Variants in SLC9A9 observed in about 807,000 individuals in gnomAD.
The protein encoded by SLC9A9 is sodium/hydrogen exchanger 9.
In SLC9A9, 62 loss-of-function variants were observed where a neutral mutation model predicts 77.8. The ratio of observed to expected loss-of-function variants is 0.80; its 90% CI spans 0.65 to 0.98. The LOEUF is 0.98. SLC9A9 is among the 50% of genes least tolerant of loss of function. SLC9A9 has a pLI of 0.00. For synonymous variants in SLC9A9, 320 were observed against 283.5 expected (o/e 1.13, Z -1.29); for missense variants, 775 against 774.9 (o/e 1.00, Z 0.00).
chr3:143,654,958 G>T (rs995390043), intron 5 of SLC9A9, among the ~76,000 whole-genome samples: 2 of 152,228 alleles, frequency 1.3e-5, no homozygotes, highest in Admixed American at 1.3e-4. Flanking sequence ...TTTGAACAAA[G>T]AACTGAACTC....
At chr3:143,833,035 C>A (rs761805951) in intron 1 of SLC9A9, among the ~76,000 whole-genome samples, 1 of 152,100 alleles carries the variant, frequency 6.6e-6, no homozygotes, top group African/African-American at 2.4e-5. Flanking sequence ...TGAATTTTTA[C>A]GTTTTTAAAC....
chr3:143,543,378 GC>G (rs2036718773), intron 9 of SLC9A9, among the ~76,000 whole-genome samples: 1 of 105,322 alleles, frequency 9.5e-6, no homozygotes, highest in African/African-American at 3.9e-5. Flanking sequence ...GACTTGTCAA[GC>G]TTTTTTTTTT....
chr3:143,485,228 G>C (rs2035636579), intron 11 of SLC9A9, among the ~76,000 whole-genome samples: 1 of 152,118 alleles, frequency 6.6e-6, no homozygotes, highest in Non-Finnish European at 1.5e-5. Flanking sequence ...CACTGATGCT[G>C]GTTCTGATCA....
At chr3:143,736,044 A>G (rs974628400) in intron 4 of SLC9A9, among the ~76,000 whole-genome samples, 2 of 152,248 alleles carry the variant, frequency 1.3e-5, no homozygotes, top group African/African-American at 4.8e-5. Context: ...TAGTTAACGG[A>G]AAATGCTTTT....
At chr3:143,292,473 A>C (rs946911361) in intron 14 of SLC9A9, among the ~76,000 whole-genome samples, 1 of 152,152 alleles carries the variant, frequency 6.6e-6, no homozygotes, top group Non-Finnish European at 1.5e-5. Context: ...AAATCGGCCT[A>C]GATTCAGAGC....
intron 12 of SLC9A9, among the ~76,000 whole-genome samples, chr3:143,389,279 G>A (rs922614116): frequency 6.6e-6 from 1 of 152,130 alleles, no homozygotes; most frequent in Non-Finnish European, 1.5e-5. Context: ...AAAAGAAACT[G>A]GAGGCATGGA....
intron 1 of SLC9A9, among the ~76,000 whole-genome samples, chr3:143,845,963 C>T (rs1474142858): frequency 6.6e-6 from 1 of 152,172 alleles, no homozygotes; most frequent in Non-Finnish European, 1.5e-5. Context: ...AACTTTAAGC[C>T]TTTATCTGCC....
At chr3:143,838,815 T>C (rs1426600140) in intron 1 of SLC9A9, among the ~76,000 whole-genome samples, 1 of 152,224 alleles carries the variant, frequency 6.6e-6, no homozygotes, top group Non-Finnish European at 1.5e-5. Flanking sequence ...GGAAATAGTC[T>C]GAATAATAAT....
chr3:143,800,144 G>A (rs1457687558), intron 2 of SLC9A9, among the ~76,000 whole-genome samples: 2 of 151,938 alleles, frequency 1.3e-5, no homozygotes, highest in Non-Finnish European at 2.9e-5. Context: ...AGTCTCCTTC[G>A]CATCTTCCCC....
chr3:143,481,855 T>A (rs2035580254), intron 11 of SLC9A9, among the ~76,000 whole-genome samples: 1 of 152,180 alleles, frequency 6.6e-6, no homozygotes, highest in Admixed American at 6.5e-5. Context: ...GCCTGGATAG[T>A]CATAGACATG....
intron 12 of SLC9A9, among the ~76,000 whole-genome samples, chr3:143,451,255 A>G (rs1205517689): frequency 6.6e-6 from 1 of 152,174 alleles, no homozygotes; most frequent in Non-Finnish European, 1.5e-5. Flanking sequence ...AGTACAATGA[A>G]ATCTGCATTA....
intron 4 of SLC9A9, among the ~76,000 whole-genome samples, chr3:143,748,860 C>A (rs1007140662): frequency 1.8e-4 from 28 of 151,572 alleles, no homozygotes; most frequent in African/African-American, 6.5e-4. Flanking sequence ...CCCGCCACCG[C>A]GCCCGGCTAA....
At chr3:143,644,459 C>G (rs1222755413) in intron 6 of SLC9A9, among the ~76,000 whole-genome samples, 2 of 152,178 alleles carry the variant, frequency 1.3e-5, no homozygotes, top group African/African-American at 4.8e-5. Flanking sequence ...TAATCAAGGT[C>G]AAGTCCCAGT....
intron 4 of SLC9A9, among the ~76,000 whole-genome samples, chr3:143,709,432 C>T (rs930888428): frequency 6.6e-6 from 1 of 152,090 alleles, no homozygotes; most frequent in Admixed American, 6.6e-5. Context: ...CTGGGATTCT[C>T]CATTTCTAAT....
intron 2 of SLC9A9, among the ~76,000 whole-genome samples, chr3:143,806,846 C>T (rs748679318): frequency 1.3e-5 from 2 of 151,918 alleles, no homozygotes; most frequent in African/African-American, 2.4e-5. Flanking sequence ...CAATAACTTA[C>T]TGTACATTTA....
intron 6 of SLC9A9, among the ~76,000 whole-genome samples, chr3:143,634,984 C>A (rs888155839): frequency 6.6e-6 from 1 of 151,876 alleles, no homozygotes; most frequent in Non-Finnish European, 1.5e-5. Flanking sequence ...GGGTTTTGTC[C>A]TGGTTATCTA....
chr3:143,559,812 T>TAA (rs1415809114), intron 8 of SLC9A9, among the ~76,000 whole-genome samples: 1 of 152,178 alleles, frequency 6.6e-6, no homozygotes, highest in Non-Finnish European at 1.5e-5. Context: ...CTTCTCCATG[T>TAA]AAAAAAGGAT....
At chr3:143,696,186 T>A (rs1361900220) in intron 4 of SLC9A9, among the ~76,000 whole-genome samples, 1 of 152,216 alleles carries the variant, frequency 6.6e-6, no homozygotes, top group Non-Finnish European at 1.5e-5. Context: ...TTTGTTGCCA[T>A]TACTTTTGGT....
chr3:143,330,063 C>A (rs530399965), intron 14 of SLC9A9, among the ~76,000 whole-genome samples: 3 of 152,168 alleles, frequency 2.0e-5, no homozygotes, highest in Non-Finnish European at 4.4e-5. Context: ...TGACCTCCCC[C>A]ATGCCTGGCT....
Sources: allele counts gnomAD v4.1 joint callset (sites outside exome capture counted in the v4.1 genomes callset), GRCh38; gene constraint gnomAD v4.1.1; transcripts MANE v1.5; gene names NCBI Gene and HGNC (gene_info 2026-07-23, HGNC 2026-07-21).